The following AK4 variants were observed in gnomAD, a reference collection of about 807,000 sequenced individuals.
AK4 encodes the protein adenylate kinase 4, mitochondrial.
Under a neutral mutation model 24.6 loss-of-function variants are expected in AK4, and 13 were observed. The observed-to-expected ratio is 0.53, with a 90% CI of 0.34 to 0.84. AK4 has a LOEUF of 0.84. Ranked by LOEUF, AK4 falls within the 40% of genes least tolerant of loss-of-function variation. The pLI, the probability that AK4 is intolerant of heterozygous loss-of-function variation, is 0.01. For missense variants in AK4, 192 were observed against 288.2 expected, an observed-to-expected ratio of 0.67 and a Z score of 2.42; for synonymous variants, 88 against 107.0, an observed-to-expected ratio of 0.82 and a Z score of 1.10.
chr1:65,191,708 T>TA (rs1651315037), intron 2 of AK4, among the ~76,000 whole-genome samples: 1 of 151,972 alleles, frequency 6.6e-6, no homozygotes, highest in Admixed American at 6.6e-5. Context: ...TTGTTGGCTT[T>TA]AGGGAGCACT....
chr1:65,193,300 A>G (rs1228446562), intron 2 of AK4, among the ~76,000 whole-genome samples: 1 of 152,150 alleles, frequency 6.6e-6, no homozygotes, highest in Non-Finnish European at 1.5e-5. Context: ...ATGGTTGAGG[A>G]GGCCAAGGAA....
At chr1:65,218,689 G>A (rs916514096) in intron 2 of AK4, 65 bp from the exon 3 acceptor site, 4 of 1,453,684 alleles carry the variant, frequency 2.8e-6, no homozygotes, top group South Asian at 2.9e-5. Context: ...CACTGAAAAT[G>A]TTTCAAGAAC....
intron 3 of AK4, among the ~76,000 whole-genome samples, chr1:65,221,211 G>GAGCTGTCTTTATCATATAATAGTGAACT: frequency 6.6e-6 from 1 of 151,844 alleles, no homozygotes; most frequent in Non-Finnish European, 1.5e-5. Flanking sequence ...AATAGTGAAC[G>GAGCTGTCTTTATCATATAATAGTGAACT]CCAGTTTTGG....
intron 2 of AK4, among the ~76,000 whole-genome samples, chr1:65,217,511 A>C (rs189493400): frequency 6.6e-6 from 1 of 152,128 alleles, no homozygotes. Context: ...ATATAAAGAC[A>C]TTTTTTTAGA....
chr1:65,209,232 C>T (rs1042991196), intron 2 of AK4, among the ~76,000 whole-genome samples: 12 of 152,120 alleles, frequency 7.9e-5, no homozygotes, highest in African/African-American at 2.9e-4. Flanking sequence ...GGGAGGAAAG[C>T]AAGCAGTCCA....
chr1:65,195,084 A>G (rs1651425582), intron 2 of AK4, among the ~76,000 whole-genome samples: 1 of 152,198 alleles, frequency 6.6e-6, no homozygotes, highest in Non-Finnish European at 1.5e-5. Flanking sequence ...GGCAGGGAAG[A>G]GTAAGACGAT....
At chr1:65,214,019 C>G (rs1035251668) in intron 2 of AK4, among the ~76,000 whole-genome samples, 8 of 152,200 alleles carry the variant, frequency 5.3e-5, no homozygotes, top group African/African-American at 9.6e-5. Context: ...ATACCTTGGT[C>G]TTGGACTTAT....
chr1:65,177,608 G>C (rs1439204275), intron 1 of AK4, among the ~76,000 whole-genome samples: 1 of 152,154 alleles, frequency 6.6e-6, no homozygotes, highest in Admixed American at 6.5e-5. Flanking sequence ...GAATACTTTG[G>C]AATCCTAATC....
rs1244460457 is a variant in AK4 at position 65,228,118 on chromosome 1, AT to A, written c.*1942del. On this transcript the variant is annotated 3_prime_UTR_variant, in exon 5 of 5. Transcript: ENST00000327299. ...GCTAGGGAACCAGGTATAGAGAAAAATAAGTCTGATATGAGGAAAATTGCAC... is the reference window on the plus strand; with the variant it reads ...GCTAGGGAACCAGGTATAGAGAAAAAAAGTCTGATATGAGGAAAATTGCAC... The A allele has an allele frequency of 6.6e-6, 1 of 152,086 alleles. No homozygotes were observed. Among genetic ancestry groups the A allele is most frequent in the Non-Finnish European group, 1.5e-5 (1 of 68,026 alleles). The allele number at this position is 152,086 out of a possible 1,614,324, so 9.4% of individuals were successfully genotyped here. A position where few individuals can be genotyped will look rare whatever the true frequency, so the allele number is the denominator to read the frequency against.
intron 1 of AK4, among the ~76,000 whole-genome samples, chr1:65,162,835 A>C (rs1650212019): frequency 6.6e-6 from 1 of 152,170 alleles, no homozygotes; most frequent in Non-Finnish European, 1.5e-5. Flanking sequence ...AGCCCTAGGC[A>C]GTTACTACTC....
intron 1 of AK4, chr1:65,154,558 C>T (rs565271601): frequency 9.6e-6 from 5 of 523,522 alleles, no homozygotes; most frequent in East Asian, 5.2e-5. Flanking sequence ...CTGTTCAAAC[C>T]GGCACTGTCT....
intron 1 of AK4, among the ~76,000 whole-genome samples, chr1:65,152,994 T>A (rs1332978782): frequency 6.6e-6 from 1 of 152,188 alleles, no homozygotes; most frequent in Non-Finnish European, 1.5e-5. Flanking sequence ...CTTGGCTTAT[T>A]ACAGGGTTTC....
At chr1:65,152,053 G>A (rs949970059) in intron 1 of AK4, among the ~76,000 whole-genome samples, 1 of 150,876 alleles carries the variant, frequency 6.6e-6, no homozygotes, top group South Asian at 2.1e-4. Flanking sequence ...CACACACACA[G>A]GGACTGGCAC....
intron 1 of AK4, among the ~76,000 whole-genome samples, chr1:65,177,255 C>T (rs368432933): frequency 3.3e-5 from 3 of 92,102 alleles, no homozygotes; most frequent in East Asian, 8.5e-4. Context: ...TAATATGCCA[C>T]GAGCATATTA....
rs1448528540 is a variant in AK4, at chr1:65,199,421, C to T, written c.265+8592C>T. Among the ~76,000 whole-genome samples, 5 of 151,866 alleles carry T rather than the reference C, an allele frequency of 3.3e-5. No individual in the cohort carries two copies. In the South Asian group the frequency reaches 6.2e-4, roughly 19 times the overall value. The stretch of plus-strand genomic sequence containing the variant: ...AAAATTAGCTGTGCGTGGTGGTGGG[C>T]GCTTGTAGTCCCAGCTACTCGGGAG... On this transcript the variant is annotated intron_variant, in intron 2 of 4. Transcript: ENST00000327299.
chr1:65,205,788 T>A (rs1651793177), intron 2 of AK4, among the ~76,000 whole-genome samples: 1 of 152,240 alleles, frequency 6.6e-6, no homozygotes, highest in African/African-American at 2.4e-5. Context: ...TATTGACTAT[T>A]TTTTGTCTTT....
At chr1:65,225,751 C>A (rs1249781422) in intron 4 of AK4, among the ~76,000 whole-genome samples, 1 of 152,076 alleles carries the variant, frequency 6.6e-6, no homozygotes, top group Admixed American at 6.6e-5. Context: ...TAAAGCTTTT[C>A]AGTGGTTCGC....
chr1:65,149,076 T>C (rs78994569), intron 1 of AK4: 23,364 of 152,248 alleles, frequency 0.15, 4,384 homozygotes, highest in African/African-American at 0.44. Context: ...CCACGCAGCC[T>C]CGGGCCTCGG....
chr1:65,186,746 G>C (rs958308321), intron 1 of AK4, among the ~76,000 whole-genome samples: 4 of 152,136 alleles, frequency 2.6e-5, no homozygotes, highest in Non-Finnish European at 5.9e-5. Flanking sequence ...CAGCACCCAG[G>C]TTGTCAGTTG....
Sources: allele counts gnomAD v4.1 joint callset (sites outside exome capture counted in the v4.1 genomes callset), GRCh38; gene constraint gnomAD v4.1.1; transcripts MANE v1.5; gene names NCBI Gene and HGNC (gene_info 2026-07-23, HGNC 2026-07-21).